The following SP100 variants were observed in gnomAD, a reference collection of about 807,000 sequenced individuals.
The protein encoded by SP100 is SP100 nuclear body protein, also known as nuclear autoantigen Sp-100.
A neutral mutation model predicts 130.0 loss-of-function variants in SP100; 84 were observed. That is an observed-to-expected ratio of 0.65 (90% CI 0.54 to 0.77). SP100 has a LOEUF of 0.77. Ranked by LOEUF, SP100 falls within the 30% of genes least tolerant of loss-of-function variation. The pLI is 0.00. For missense variants in SP100, 978 were observed against 1,052.2 expected (o/e 0.93, Z 0.97); for synonymous variants, 331 against 351.7 (o/e 0.94, Z 0.66).
In SP100 at chr2:230,431,357, T is replaced by C. The variant is rs139366951; in HGVS notation, c.108-11580T>C. On this transcript the variant is annotated intron_variant, in intron 2 of 28. Transcript: ENST00000340126. ...CTCTGTTTTCCCCACTGGAGAAACC[T>C]TAGGCTCAGGGAAAACCTCTTGGTG... Among the ~76,000 whole-genome samples, 1,398 of 152,300 alleles carry C rather than the reference T, an allele frequency of 9.2e-3. 22 individuals carry two copies. The highest frequency in any genetic ancestry group is 0.032 in the African/African-American group (1,339 of 41,546).
intron 24 of SP100, among the ~76,000 whole-genome samples, chr2:230,519,889 T>A (rs35092618): frequency 6.6e-6 from 1 of 151,900 alleles, no homozygotes; most frequent in Non-Finnish European, 1.5e-5. Flanking sequence ...GGTCCACTTA[T>A]CTAAGTACTT....
chr2:230,448,109 C>T lies in SP100; in HGVS notation c.524-979C>T, dbSNP rs557021796. Among the ~76,000 whole-genome samples the T allele has an allele frequency of 7.9e-5, 12 of 152,178 alleles. No individual in the cohort carries two copies. The East Asian group carries it at 9.6e-4, about 12-fold the overall frequency. ...ACTGAAATGTATATTTCTTATATCA[C>T]GGGAGAAACTTGGTGATGGCAGAAG... On this transcript the variant is annotated intron_variant, in intron 5 of 28. Transcript: ENST00000340126.
At chr2:230,496,223 CT>C (rs1265248069) in intron 18 of SP100, among the ~76,000 whole-genome samples, 1 of 152,152 alleles carries the variant, frequency 6.6e-6, no homozygotes, top group African/African-American at 2.4e-5. Flanking sequence ...CTTCTACTTC[CT>C]TTTCAAACCT....
chr2:230,423,612 G>A (rs1024045967), intron 2 of SP100, among the ~76,000 whole-genome samples: 7 of 152,068 alleles, frequency 4.6e-5, no homozygotes, highest in Non-Finnish European at 8.8e-5. Context: ...TAATTTACTT[G>A]CAGTGTTTCT....
intron 11 of SP100, 103 bp from the exon 12 acceptor site, chr2:230,466,198 A>AAAAAAC (rs2064945816): frequency 3.4e-6 from 2 of 583,086 alleles, no homozygotes; most frequent in South Asian, 2.3e-5. Flanking sequence ...AAAAAAAAAA[A>AAAAAAC]AAAAACTTTG....
intron 17 of SP100, among the ~76,000 whole-genome samples, chr2:230,484,142 G>A (rs868825957): frequency 9.2e-5 from 14 of 152,092 alleles, no homozygotes; most frequent in African/African-American, 3.1e-4. Flanking sequence ...GCACAAAAAC[G>A]CACACAAAAA....
chr2:230,469,387 G>A, intron 14 of SP100: 2 of 510,284 alleles, frequency 3.9e-6, no homozygotes, highest in Non-Finnish European at 7.6e-6. Context: ...GCTGATGGGG[G>A]CTCTGACATC....
At chr2:230,542,134 CT>C in intron 28 of SP100, 99 bp downstream of exon 28, 1 of 1,244,454 alleles carries the variant, frequency 8.0e-7, no homozygotes. Context: ...TACAATCGCC[CT>C]TATCATATGA....
intron 22 of SP100, among the ~76,000 whole-genome samples, chr2:230,507,556 G>C (rs1690214113): frequency 6.6e-6 from 1 of 152,150 alleles, no homozygotes; most frequent in African/African-American, 2.4e-5. Flanking sequence ...TCTCACAAGA[G>C]ACACCTGCAG....
In SP100 at chr2:230,544,605, A is replaced by T. The variant is rs1027504107; in HGVS notation, c.*1659A>T. The stretch of plus-strand genomic sequence containing the variant: ...CGGGTTCAAGCAATTCTCCTGCCTC[A>T]GCCTCCCAGGTGGCTGGGATTACAG... On this transcript the variant is annotated 3_prime_UTR_variant, in exon 29 of 29. Transcript: ENST00000340126. 1.3e-5 allele frequency among the ~76,000 whole-genome samples: 2 copies of T among 152,108 alleles called. No homozygotes were observed. Among genetic ancestry groups the T allele is most frequent in the African/African-American group, 2.4e-5 (1 of 41,398 alleles).
At chr2:230,513,415 A>G (rs1690732297) in intron 24 of SP100, among the ~76,000 whole-genome samples, 2 of 152,210 alleles carry the variant, frequency 1.3e-5, no homozygotes, top group Admixed American at 1.3e-4. Flanking sequence ...AGATTTCACC[A>G]TGAATCACAA....
At chr2:230,511,748 A>G (rs1420124551) in intron 24 of SP100, among the ~76,000 whole-genome samples, 2 of 152,230 alleles carry the variant, frequency 1.3e-5, no homozygotes, top group Non-Finnish European at 2.9e-5. Context: ...GGTTAGGACA[A>G]AAACCATCAC....
chr2:230,422,414 C>T (rs2062793483), intron 2 of SP100, among the ~76,000 whole-genome samples: 1 of 152,134 alleles, frequency 6.6e-6, no homozygotes, highest in African/African-American at 2.4e-5. Flanking sequence ...CAAGGAATGC[C>T]TCTCATTGAC....
At chr2:230,529,684 C>G (rs112365096) in intron 24 of SP100, among the ~76,000 whole-genome samples, 2 of 152,158 alleles carry the variant, frequency 1.3e-5, no homozygotes, top group East Asian at 3.8e-4. Flanking sequence ...AAAATCCCAT[C>G]GTCTCAGCCC....
At chr2:230,512,213 G>A (rs1181612447) in intron 24 of SP100, among the ~76,000 whole-genome samples, 1 of 148,190 alleles carries the variant, frequency 6.7e-6, no homozygotes, top group East Asian at 2.1e-4. Flanking sequence ...AATGTGAGGA[G>A]TGACTCAATA....
At chr2:230,452,310 T>A (rs1488391690) in intron 8 of SP100, among the ~76,000 whole-genome samples, 4 of 152,108 alleles carry the variant, frequency 2.6e-5, no homozygotes, top group Non-Finnish European at 4.4e-5. Flanking sequence ...CCTGAGTAGC[T>A]GGGATTACAG....
At chr2:230,540,845 G>T in intron 25 of SP100, 31 bp from the exon 26 acceptor site, 1 of 1,588,394 alleles carries the variant, frequency 6.3e-7, no homozygotes. Flanking sequence ...CACAGAACCT[G>T]CCATTGCTCA....
chr2:230,421,130 C>T (rs1430912054), intron 2 of SP100, among the ~76,000 whole-genome samples: 2 of 151,970 alleles, frequency 1.3e-5, no homozygotes, highest in African/African-American at 2.4e-5. Context: ...AACATCCTCC[C>T]GCCCCTCCCC....
chr2:230,444,108 A>C, intron 3 of SP100, 70 bp from the exon 4 acceptor site: 35 of 1,067,026 alleles, frequency 3.3e-5, no homozygotes, highest in Non-Finnish European at 4.5e-5. Flanking sequence ...TAACCATAGA[A>C]TTCCTTTCTA....
Sources: gnomAD v4.1 joint callset for allele counts (sites outside exome capture counted in the v4.1 genomes callset) on GRCh38, gnomAD v4.1.1 for gene constraint, MANE v1.5 for transcripts, NCBI Gene and HGNC (gene_info 2026-07-23, HGNC 2026-07-21) for gene names.